Variants in DCANP1 observed in about 807,000 individuals in gnomAD.
The protein encoded by DCANP1 is dendritic cell nuclear protein 1.
For synonymous variants in DCANP1, 139 were observed against 124.2 expected, an observed-to-expected ratio of 1.12 and a Z score of -0.79; for missense variants, 328 against 293.7, an observed-to-expected ratio of 1.12 and a Z score of -0.85.
the DCANP1 span, chr5:135,447,081 G>A: frequency 1.9e-6 from 3 of 1,613,940 alleles, no homozygotes; most frequent in African/African-American, 4.0e-5. Context: ...CTCGAGTTCT[G>A]TATGTGGGTT....
In DCANP1 at chr5:135,444,477, G is replaced by T. The variant is rs138542701; in HGVS notation, c.*1897C>A. 6.6e-6 allele frequency: 1 copy of T among 152,286 alleles called. No homozygotes were observed. Among genetic ancestry groups the T allele is most frequent in the African/African-American group, 2.4e-5 (1 of 41,446 alleles). 9.4% of individuals were successfully genotyped at this position (152,286 alleles called of 1,614,324 possible). On this transcript the variant is annotated 3_prime_UTR_variant, in exon 1 of 1. Coordinates refer to ENST00000503143, the MANE Select transcript of DCANP1 (RefSeq NM_130848.3). ...CCTGTTAACCTCATGGTACTGTGGC[G>T]ACATCAGCCACCACTACGTGTCACG...
At position 135,444,244 on chromosome 5, in the gene DCANP1, A is replaced by C. The variant is rs1187040347; in HGVS notation, c.*2130T>G. ...CAAATGGTAGGTTTTATTTCACTTT[A>C]ATCCGCCTGTGAGTTCACGTTAAAG... On this transcript the variant is annotated 3_prime_UTR_variant, in exon 1 of 1. Transcript: ENST00000503143. 2 of 152,220 alleles carry C rather than the reference A, an allele frequency of 1.3e-5. No homozygotes were observed. Among genetic ancestry groups the C allele is most frequent in the Non-Finnish European group, 2.9e-5 (2 of 68,032 alleles). 9.4% of individuals were successfully genotyped at this position (152,220 alleles called of 1,614,324 possible). A position where few individuals can be genotyped will look rare whatever the true frequency, so the allele number is the denominator to read the frequency against.
rs1475257206 is a variant in DCANP1, at chr5:135,446,853, C to T, written c.256G>A (p.Val86Ile). ...LPAGVLREGA[V>I]QFLHRGLCNS... ...CAGAGTCCCCTGTGGAGGAATTGAACTGCCCCCTCTCGCAGGACCCCAGCT... is the reference window on the plus strand; with the variant it reads ...CAGAGTCCCCTGTGGAGGAATTGAATTGCCCCCTCTCGCAGGACCCCAGCT... The change falls in exon 1 of 1, where the codon GTT becomes ATT. Residue 86 changes from valine to isoleucine, a missense_variant. Coordinates refer to ENST00000503143, the MANE Select transcript of DCANP1 (RefSeq NM_130848.3). 2.5e-6 allele frequency: 4 copies of T among 1,613,824 alleles called. No homozygotes were observed. In the African/African-American group the frequency reaches 4.0e-5, roughly 16 times the overall value.
Position 135,445,134 on chromosome 5 carries a change from G to T in DCANP1, c.*1240C>A, listed in dbSNP as rs1203583479. On this transcript the variant is annotated 3_prime_UTR_variant, in exon 1 of 1. Coordinates refer to ENST00000503143, the MANE Select transcript of DCANP1 (RefSeq NM_130848.3). The stretch of plus-strand genomic sequence containing the variant: ...CCCCTCCAGGGTCTCCTTGGCAGGG[G>T]CTGTCCCCTATGAGCCTCTGCAGGG... 1 of 152,150 alleles carries T rather than the reference G, an allele frequency of 6.6e-6. No homozygotes were observed. Among genetic ancestry groups the T allele is most frequent in the East Asian group, 1.9e-4 (1 of 5,166 alleles). 9.4% of individuals were successfully genotyped at this position (152,150 alleles called of 1,614,324 possible). A position where few individuals can be genotyped will look rare whatever the true frequency, so the allele number is the denominator to read the frequency against.
chr5:135,446,518 C>T lies in DCANP1; in HGVS notation c.591G>A (p.Gln197=). 1 of 1,614,010 alleles carries T rather than the reference C, an allele frequency of 6.2e-7. No individual in the cohort carries two copies. Among genetic ancestry groups the T allele is most frequent in the South Asian group, 1.1e-5 (1 of 91,082 alleles). ...PSLSPNSWNR[Q]AGFRAWSSHL... is the part of the protein sequence containing the mutation. The stretch of plus-strand genomic sequence containing the variant: ...GCGAAGACCAGGCCCTGAAGCCAGC[C>T]TGACGGTTCCAGCTGTTAGGAGAAA... Residue 197 remains glutamine (Q), a synonymous_variant, in exon 1 of 1, where the codon CAG becomes CAA. Transcript: ENST00000503143.
rs73789361 is a variant in DCANP1, at chr5:135,445,363, G to A, written c.*1011C>T. 0.038 allele frequency: 5,850 copies of A among 152,466 alleles called. 147 individuals are homozygous for A. Among genetic ancestry groups the A allele is most frequent in the African/African-American group, 0.066 (2,756 of 41,572 alleles). 9.4% of individuals were successfully genotyped at this position (152,466 alleles called of 1,614,324 possible). Reference sequence around the variant, plus strand: ...CTGCGCTGCCCCAGCCAGAGGGTCTGTGCTGTCCCTGCTGAGGCCTACAGG... The same window carrying A: ...CTGCGCTGCCCCAGCCAGAGGGTCTATGCTGTCCCTGCTGAGGCCTACAGG... On this transcript the variant is annotated 3_prime_UTR_variant, in exon 1 of 1. Coordinates refer to ENST00000503143, the MANE Select transcript of DCANP1 (RefSeq NM_130848.3).
Position 135,446,222 on chromosome 5 carries a change from A to C in DCANP1, c.*152T>G. On this transcript the variant is annotated 3_prime_UTR_variant, in exon 1 of 1. Transcript: ENST00000503143. ...GATTCAGTTACTTGTCCAGGATCACAGAACTATAGTAAGTGGGGGTGGGGA... is the reference window on the plus strand; with the variant it reads ...GATTCAGTTACTTGTCCAGGATCACCGAACTATAGTAAGTGGGGGTGGGGA... 1.1e-6 allele frequency: 1 copy of C among 923,686 alleles called. No individual in the cohort carries two copies. Among genetic ancestry groups the C allele is most frequent in the Non-Finnish European group, 1.6e-6 (1 of 617,012 alleles). 57.2% of individuals were successfully genotyped at this position (923,686 alleles called of 1,614,324 possible).
In DCANP1 at chr5:135,446,427, G is replaced by A. The variant is rs530686646; in HGVS notation, c.682C>T (p.Pro228Ser). 1.2e-6 allele frequency: 2 copies of A among 1,612,664 alleles called. No individual in the cohort carries two copies. The highest frequency in any genetic ancestry group is 8.5e-7 in the Non-Finnish European group (1 of 1,178,790). The change falls in exon 1 of 1, where the codon CCT becomes TCT. Residue 228 changes from proline (P) to serine (S), a missense_variant. Physicochemically the swap from Pro to Ser is moderately conservative, Grantham distance 74. Coordinates refer to ENST00000503143, the MANE Select transcript of DCANP1 (RefSeq NM_130848.3). ...QSRRVSSSQQ[P>S]PLHSLSSHRR... ...TGGGAGCTGAGAGAATGCAGTGGAG[G>A]TTGTTGGGAGGAACTCACCCGCCTG... is the stretch of plus-strand genomic sequence containing the variant.
chr5:135,447,001 C>A lies in DCANP1; in HGVS notation c.108G>T (p.Glu36Asp), dbSNP rs762719202. Residue 36 changes from glutamate to aspartate, a missense_variant, in exon 1 of 1, where the codon GAG becomes GAT. By Grantham distance (45) the Glu-to-Asp change is conservative. Coordinates refer to ENST00000503143, the MANE Select transcript of DCANP1 (RefSeq NM_130848.3). ...GAGCTGGGGAGTGGCACCCTGGGAA[C>A]TCTGGGGTTTCCCCACCAGCTCCTC... ...LERGAGGETPEFPGCHSPAPP... is the reference protein window; with the variant it reads ...LERGAGGETPDFPGCHSPAPP... The A allele has an allele frequency of 1.9e-6, 3 of 1,613,562 alleles. No individual in the cohort carries two copies. The highest frequency in any genetic ancestry group is 1.1e-5 in the South Asian group (1 of 90,990).
In DCANP1 at chr5:135,445,730, T is replaced by C. The variant is rs1289390926; in HGVS notation, c.*644A>G. The C allele has an allele frequency of 6.6e-6, 1 of 152,442 alleles. No individual in the cohort carries two copies. Among genetic ancestry groups the C allele is most frequent in the African/African-American group, 2.4e-5 (1 of 41,474 alleles). The allele number at this position is 152,442 out of a possible 1,614,324, so 9.4% of individuals were successfully genotyped here. The stretch of plus-strand genomic sequence containing the variant: ...CCTTCCTCCAGGTTGCATCCAGGAC[T>C]ATGCTGTCTAGCGTGTCTGCTGTGA... On this transcript the variant is annotated 3_prime_UTR_variant, in exon 1 of 1. Transcript: ENST00000503143.
chr5:135,446,621 T>G lies in DCANP1; in HGVS notation c.488A>C (p.Lys163Thr). Residue 163 changes from lysine (K) to threonine (T), a missense_variant, in exon 1 of 1, where the codon AAG becomes ACG. Coordinates refer to ENST00000503143, the MANE Select transcript of DCANP1 (RefSeq NM_130848.3). ...LALYQVFKAV[K>T]LCPSETSFFL... ...AAATGAAGTCTCGGATGGGCAGAGC[T>G]TAACTGCCTTAAAAACTTGGTACAG... The G allele has an allele frequency of 5.0e-6, 8 of 1,614,032 alleles. No homozygotes were observed. Among genetic ancestry groups the G allele is most frequent in the Non-Finnish European group, 6.8e-6 (8 of 1,179,904 alleles).
chr5:135,446,791 G>A lies in DCANP1; in HGVS notation c.318C>T (p.Pro106=). The A allele has an allele frequency of 6.2e-7, 1 of 1,613,954 alleles. No homozygotes were observed. The highest frequency in any genetic ancestry group is 8.5e-7 in the Non-Finnish European group (1 of 1,179,848). ...SNLSSEASAR[P]SGTQDELHSS... ...TATGCAGTTCATCCTGGGTCCCTGA[G>A]GGCCTCGCAGATGCTTCACTCGAAA... The change falls in exon 1 of 1, where the codon CCC becomes CCT. Residue 106 remains proline (P), a synonymous_variant. Transcript: ENST00000503143.
rs376103324 is a variant in DCANP1, at chr5:135,446,352, G to A, written c.*22C>T. 3.6e-5 allele frequency: 56 copies of A among 1,572,672 alleles called. No homozygotes were observed. The highest frequency in any genetic ancestry group is 5.9e-5 in the South Asian group (5 of 84,058). On this transcript the variant is annotated 3_prime_UTR_variant, in exon 1 of 1. Coordinates refer to ENST00000503143, the MANE Select transcript of DCANP1 (RefSeq NM_130848.3). ...TTAGTGTATGTCTGTGCATACTTGC[G>A]TGTGTGCACACGCACACATGTTCAC... is the stretch of plus-strand genomic sequence containing the variant.
rs1025667737 is a variant in DCANP1 at position 135,446,673 on chromosome 5, C to T, written c.436G>A (p.Val146Ile). 3 of 1,613,814 alleles carry T rather than the reference C, an allele frequency of 1.9e-6. No homozygotes were observed. The highest frequency in any genetic ancestry group is 2.7e-5 in the African/African-American group (2 of 74,936). ...FRLYPFTVHT[V>I]SPGNSHLALY... The stretch of plus-strand genomic sequence containing the variant: ...GCAAGGTGTGAGTTTCCCGGTGAGA[C>T]TGTGTGAACTGTGAACGGGTAGAGT... The change falls in exon 1 of 1, where the codon GTC (valine) becomes ATC (isoleucine). Residue 146 changes from valine to isoleucine, a missense_variant. By Grantham distance (29) the Val-to-Ile change is conservative (BLOSUM62 3). Transcript: ENST00000503143.
rs1769226043 is a variant in DCANP1, at chr5:135,444,787, A to G, written c.*1587T>C. The G allele has an allele frequency of 6.6e-6, 1 of 152,258 alleles. No homozygotes were observed. Among genetic ancestry groups the G allele is most frequent in the Non-Finnish European group, 1.5e-5 (1 of 68,060 alleles). The allele number at this position is 152,258 out of a possible 1,614,324, so 9.4% of individuals were successfully genotyped here. ...CAGCCCCTTGACAAAGTCTTGCTCT[A>G]CACGTTTCTGTAGTGACCGTCCATT... is the stretch of plus-strand genomic sequence containing the variant. On this transcript the variant is annotated 3_prime_UTR_variant, in exon 1 of 1. Transcript: ENST00000503143.
rs1183160183 is a variant in DCANP1, at chr5:135,447,211, A to T, written c.-103T>A. 7.0e-7 allele frequency: 1 copy of T among 1,431,362 alleles called. No homozygotes were observed. The highest frequency in any genetic ancestry group is 1.4e-5 in the African/African-American group (1 of 71,182). The allele number at this position is 1,431,362 out of a possible 1,614,324, so 88.7% of individuals were successfully genotyped here. On this transcript the variant is annotated 5_prime_UTR_variant, in exon 1 of 1. The change abolishes an upstream ATG in the 5' untranslated region. Transcript: ENST00000503143. The stretch of plus-strand genomic sequence containing the variant: ...TGCCAGCCCTACCAGGGCATCTCCC[A>T]TTATACTAACCCTGCCTATTGGACC...
rs112827541 is a variant in DCANP1, at chr5:135,446,523, G to A, written c.586C>T (p.Arg196Cys). ...PPSLSPNSWN[R>C]QAGFRAWSSH... ...GACCAGGCCCTGAAGCCAGCCTGAC[G>A]GTTCCAGCTGTTAGGAGAAAGTGAA... The change falls in exon 1 of 1, where the codon CGT (arginine) becomes TGT (cysteine). Residue 196 changes from arginine to cysteine, a missense_variant. By Grantham distance (180) the Arg-to-Cys change is radical. Transcript: ENST00000503143. The A allele has an allele frequency of 4.0e-5, 64 of 1,613,868 alleles. No homozygotes were observed. Among genetic ancestry groups the A allele is most frequent in the African/African-American group, 1.3e-4 (10 of 74,908 alleles).
At position 135,446,727 on chromosome 5, in the gene DCANP1, C is replaced by T; in HGVS notation, c.382G>A (p.Ala128Thr). Residue 128 changes from alanine (A) to threonine (T), a missense_variant, in exon 1 of 1, where the codon GCC becomes ACC. Coordinates refer to ENST00000503143, the MANE Select transcript of DCANP1 (RefSeq NM_130848.3). ...RKTGQTRREG[A>T]RKHLVCSFRL... ...AAACTACAAACCAGATGTTTCCGGG[C>T]TCCCTCCCGCCTGGTCTGGCCTGTC... 1 of 1,613,884 alleles carries T rather than the reference C, an allele frequency of 6.2e-7. No individual in the cohort carries two copies.
chr5:135,446,221 C>G lies in DCANP1; in HGVS notation c.*153G>C, dbSNP rs566760598. Reference sequence around the variant, plus strand: ...AGATTCAGTTACTTGTCCAGGATCACAGAACTATAGTAAGTGGGGGTGGGG... The same window carrying G: ...AGATTCAGTTACTTGTCCAGGATCAGAGAACTATAGTAAGTGGGGGTGGGG... On this transcript the variant is annotated 3_prime_UTR_variant, in exon 1 of 1. Coordinates refer to ENST00000503143, the MANE Select transcript of DCANP1 (RefSeq NM_130848.3). 6.5e-6 allele frequency: 6 copies of G among 920,946 alleles called. No homozygotes were observed. The Admixed American group carries it at 1.3e-4, about 21-fold the overall frequency. 57.0% of individuals were successfully genotyped at this position (920,946 alleles called of 1,614,324 possible).
Sources: allele counts gnomAD v4.1 joint callset, GRCh38; gene constraint gnomAD v4.1.1; transcripts MANE v1.5; gene names NCBI Gene and HGNC (gene_info 2026-07-23, HGNC 2026-07-21).